Variants in SLC10A7 observed in about 807,000 individuals in gnomAD.
The protein encoded by SLC10A7 is solute carrier family 10 member 7.
A neutral mutation model predicts 43.2 loss-of-function variants in SLC10A7; 29 were observed. That is an observed-to-expected ratio of 0.67 (90% confidence interval 0.50 to 0.92). The LOEUF (loss-of-function observed/expected upper bound fraction) is 0.92. SLC10A7 is among the 40% of genes least tolerant of loss of function. The probability of loss-of-function intolerance (pLI) is 0.00; values close to 1 mark genes in which losing one functional copy is unlikely to be tolerated. For missense variants in SLC10A7, 295 were observed against 403.2 expected, an observed-to-expected ratio of 0.73 and a Z score of 2.30; for synonymous variants, 152 against 144.8, an observed-to-expected ratio of 1.05 and a Z score of -0.35.
chr4:146,354,060 A>ATAAAGGGTAT (rs1735361364), intron 5 of SLC10A7, among the ~76,000 whole-genome samples: 1 of 146,700 alleles, frequency 6.8e-6, no homozygotes, highest in South Asian at 2.2e-4. Context: ...GGAGAAGGAA[A>ATAAAGGGTAT]TAAAGGGTAT....
intron 5 of SLC10A7, among the ~76,000 whole-genome samples, chr4:146,426,158 A>C (rs1479628196): frequency 6.6e-6 from 1 of 152,260 alleles, no homozygotes; most frequent in African/African-American, 2.4e-5. Flanking sequence ...TTCAAAGTAT[A>C]TGCCACTTTT....
chr4:146,485,958 T>TA (rs1195175957), intron 4 of SLC10A7, among the ~76,000 whole-genome samples: 6 of 152,102 alleles, frequency 3.9e-5, no homozygotes, highest in South Asian at 2.1e-4. Context: ...ATATAGAGAT[T>TA]AAAAAAATGA....
intron 4 of SLC10A7, among the ~76,000 whole-genome samples, chr4:146,502,047 T>C (rs966483127): frequency 1.3e-5 from 2 of 152,128 alleles, no homozygotes; most frequent in African/African-American, 4.8e-5. Flanking sequence ...CTCTTAATGC[T>C]CATCAATAAG....
In SLC10A7 at chr4:146,286,030, AG is replaced by A. The variant is rs1181817320; in HGVS notation, c.774-2766del. 2.1e-3 allele frequency among the ~76,000 whole-genome samples: 308 copies of A among 146,038 alleles called. 1 individual carries two copies. The highest frequency in any genetic ancestry group is 7.4e-3 in the African/African-American group (289 of 38,848). ...AAGGACTGTGTTTGGAGTGGTGAGA[AG>A]GACTGTGTTTGGAGTGGTGAAAAGG... On this transcript the variant is annotated intron_variant, in intron 9 of 11. Transcript: ENST00000335472.
At chr4:146,519,651 A>C (rs906634354) in intron 1 of SLC10A7, among the ~76,000 whole-genome samples, 1 of 152,094 alleles carries the variant, frequency 6.6e-6, no homozygotes, top group African/African-American at 2.4e-5. Context: ...AAGCAAGGTG[A>C]TTCAGGAGCA....
At chr4:146,328,112 T>C (rs1733279641) in intron 5 of SLC10A7, among the ~76,000 whole-genome samples, 1 of 152,086 alleles carries the variant, frequency 6.6e-6, no homozygotes, top group South Asian at 2.1e-4. Context: ...TTGCCTCCAC[T>C]ACCAGCACCA....
chr4:146,368,121 G>A (rs1736522507), intron 5 of SLC10A7, among the ~76,000 whole-genome samples: 1 of 152,124 alleles, frequency 6.6e-6, no homozygotes. Context: ...GCATTCAGAT[G>A]TCCAGCATTT....
At chr4:146,476,005 G>A (rs774528055) in intron 4 of SLC10A7, among the ~76,000 whole-genome samples, 13 of 152,164 alleles carry the variant, frequency 8.5e-5, no homozygotes, top group Non-Finnish European at 1.6e-4. Flanking sequence ...TGAATTGCCT[G>A]CCTTTACAGT....
chr4:146,497,895 A>C (rs1325256890), intron 4 of SLC10A7, among the ~76,000 whole-genome samples: 1 of 152,132 alleles, frequency 6.6e-6, no homozygotes, highest in Non-Finnish European at 1.5e-5. Context: ...ATCAGGTTTA[A>C]AACCTTTGTA....
chr4:146,455,757 A>C (rs1731990638), intron 4 of SLC10A7, among the ~76,000 whole-genome samples: 2 of 151,948 alleles, frequency 1.3e-5, no homozygotes, highest in African/African-American at 4.8e-5. Flanking sequence ...CCTGTTCTTT[A>C]TGTCTTCAGG....
intron 9 of SLC10A7, among the ~76,000 whole-genome samples, chr4:146,284,160 G>A (rs902609177): frequency 2.6e-5 from 4 of 152,136 alleles, no homozygotes; most frequent in African/African-American, 9.7e-5. Context: ...TTCCTGTGGA[G>A]TCAGGATATC....
rs367581251 is a variant in SLC10A7, at chr4:146,481,129, T to G, written c.396+22720A>C. 1.2e-4 allele frequency among the ~76,000 whole-genome samples: 18 copies of G among 152,130 alleles called. No individual in the cohort carries two copies. The East Asian group carries it at 3.1e-3, about 26-fold the overall frequency. On this transcript the variant is annotated intron_variant, in intron 4 of 11. Coordinates refer to ENST00000335472, the MANE Select transcript of SLC10A7 (RefSeq NM_001029998.6). ...CCATACCTGATGTGGCACCCCACCCTCGAGAATACAGAAGCTCCCCGGACT... is the reference window on the plus strand; with the variant it reads ...CCATACCTGATGTGGCACCCCACCCGCGAGAATACAGAAGCTCCCCGGACT...
At chr4:146,486,755 T>C (rs903200277) in intron 4 of SLC10A7, among the ~76,000 whole-genome samples, 6 of 152,230 alleles carry the variant, frequency 3.9e-5, no homozygotes, top group East Asian at 1.9e-4. Context: ...CTACAAGGAA[T>C]AGGAGTTACT....
intron 4 of SLC10A7, among the ~76,000 whole-genome samples, chr4:146,470,218 T>C (rs1733438323): frequency 6.6e-6 from 1 of 152,132 alleles, no homozygotes; most frequent in South Asian, 2.1e-4. Context: ...TGTCTCTTCT[T>C]CAAAGTCTTA....
At chr4:146,454,480 C>T (rs868622820) in intron 4 of SLC10A7, among the ~76,000 whole-genome samples, 20 of 151,834 alleles carry the variant, frequency 1.3e-4, no homozygotes, top group Admixed American at 4.6e-4. Context: ...ATCTCTTGCA[C>T]CCTCTCTATT....
At chr4:146,512,043 G>A (rs918561607) in intron 2 of SLC10A7, among the ~76,000 whole-genome samples, 3 of 129,368 alleles carry the variant, frequency 2.3e-5, no homozygotes, top group South Asian at 2.4e-4. Context: ...GTGCGATCTC[G>A]GCTCACTGCA....
At chr4:146,318,688 T>C (rs554627945) in intron 6 of SLC10A7, among the ~76,000 whole-genome samples, 1 of 152,064 alleles carries the variant, frequency 6.6e-6, no homozygotes, top group Non-Finnish European at 1.5e-5. Context: ...ATTGCTTACC[T>C]GATGTCTCTA....
At chr4:146,517,457 T>C (rs1462818532) in intron 1 of SLC10A7, among the ~76,000 whole-genome samples, 2 of 152,050 alleles carry the variant, frequency 1.3e-5, no homozygotes, top group East Asian at 1.9e-4. Context: ...AGCAAGACTC[T>C]GTCTCAAAAT....
intron 5 of SLC10A7, among the ~76,000 whole-genome samples, chr4:146,407,448 T>C (rs529341708): frequency 1.3e-5 from 2 of 152,202 alleles, no homozygotes; most frequent in African/African-American, 4.8e-5. Context: ...TACTGTATTA[T>C]CAAGCATAGG....
Sources: gnomAD v4.1 joint callset for allele counts (sites outside exome capture counted in the v4.1 genomes callset) on GRCh38, gnomAD v4.1.1 for gene constraint, MANE v1.5 for transcripts, NCBI Gene and HGNC (gene_info 2026-07-23, HGNC 2026-07-21) for gene names.